The following WDR25 variants were observed in gnomAD, a reference collection of about 807,000 sequenced individuals.
WDR25 encodes WD repeat domain 25, also known as WD repeat-containing protein 25.
In WDR25, 35 loss-of-function variants were observed where a neutral mutation model predicts 47.7. That is an observed-to-expected ratio of 0.73 (90% confidence interval 0.56 to 0.97). The LOEUF is 0.97. WDR25 is among the 50% of genes least tolerant of loss of function. The probability of loss-of-function intolerance (pLI) is 0.00; values close to 1 mark genes in which losing one functional copy is unlikely to be tolerated. For synonymous variants in WDR25, 248 were observed against 278.9 expected, an observed-to-expected ratio of 0.89 and a Z score of 1.10; for missense variants, 634 against 704.7, an observed-to-expected ratio of 0.90 and a Z score of 1.14.
rs138426891 is a variant in WDR25, at chr14:100,529,372, C to T, written c.1413+164C>T. On this transcript the variant is annotated intron_variant, in intron 6 of 6. Transcript: ENST00000402312. The surrounding 1 kb of genome is among the most constrained non-coding windows in gnomAD (Gnocchi z 5.1). ...ATGTGGCTCACTGTCTCTTCAAGTCCCTGAACCACATCTGGTCCTCACCCC... is the reference window on the plus strand; with the variant it reads ...ATGTGGCTCACTGTCTCTTCAAGTCTCTGAACCACATCTGGTCCTCACCCC... 2 of 1,088,482 alleles carry T rather than the reference C, an allele frequency of 1.8e-6. No homozygotes were observed. 67.4% of individuals were successfully genotyped at this position (1,088,482 alleles called of 1,614,324 possible). A position where few individuals can be genotyped will look rare whatever the true frequency, so the allele number is the denominator to read the frequency against.
intron 2 of WDR25, among the ~76,000 whole-genome samples, chr14:100,401,144 A>G (rs1897369604): frequency 6.6e-6 from 1 of 152,132 alleles, no homozygotes; most frequent in African/African-American, 2.4e-5. Context: ...TCACAATAAT[A>G]TTTCCTCTGG....
intron 4 of WDR25, among the ~76,000 whole-genome samples, chr14:100,512,981 A>AT (rs1217021763): frequency 1.3e-5 from 2 of 152,030 alleles, no homozygotes; most frequent in Non-Finnish European, 2.9e-5. Context: ...ATTTATTTAG[A>AT]TTTTTTTGAT....
In WDR25 at chr14:100,381,296, C is replaced by T; in HGVS notation, c.372C>T (p.Ala124=). The T allele has an allele frequency of 6.2e-7, 1 of 1,614,218 alleles. No homozygotes were observed. The highest frequency in any genetic ancestry group is 8.5e-7 in the Non-Finnish European group (1 of 1,180,038). The change falls in exon 2 of 7, where the codon GCC becomes GCT. Residue 124 remains alanine, a synonymous_variant. Transcript: ENST00000402312. ...CSSLWTSHVP[A]SHMPLAAARF... ...CTCTGTGGACGAGCCATGTTCCAGC[C>T]AGCCACATGCCCCTGGCAGCTGCCC...
At chr14:100,394,006 C>G (rs893141306) in intron 2 of WDR25, among the ~76,000 whole-genome samples, 1 of 152,228 alleles carries the variant, frequency 6.6e-6, no homozygotes, top group Non-Finnish European at 1.5e-5. Flanking sequence ...AAATAATTAT[C>G]TCACAGGGCT....
intron 1 of WDR25, 123 bp from the exon 2 acceptor site, chr14:100,380,787 C>G (rs1447834281): frequency 8.4e-6 from 8 of 948,974 alleles, no homozygotes; most frequent in African/African-American, 8.3e-5. Context: ...AGCCACCACG[C>G]CTGGCCTGTG....
rs748246663 is a variant in WDR25 at position 100,525,548 on chromosome 14, C to T, written c.1102-322C>T. 1.9e-4 allele frequency among the ~76,000 whole-genome samples: 29 copies of T among 152,158 alleles called. No individual in the cohort carries two copies. Among genetic ancestry groups the T allele is most frequent in the Non-Finnish European group, 3.7e-4 (25 of 68,030 alleles). The stretch of plus-strand genomic sequence containing the variant: ...GTGTTGATGGATGTCAATATGCTCT[C>T]GAGGTGCCCTTGGCGAGTCAAGGCC... On this transcript the variant is annotated intron_variant, in intron 4 of 6. Coordinates refer to ENST00000402312, the MANE Select transcript of WDR25 (RefSeq NM_001161476.3). The surrounding 1 kb of genome is among the most constrained non-coding windows in gnomAD (Gnocchi z 4.6).
At position 100,494,516 on chromosome 14, in the gene WDR25, A is replaced by G. The variant is rs78500290; in HGVS notation, c.1101+10392A>G. Among the ~76,000 whole-genome samples, 1,478 of 152,330 alleles carry G rather than the reference A, an allele frequency of 9.7e-3. 23 individuals carry two copies. The highest frequency in any genetic ancestry group is 0.034 in the African/African-American group (1,409 of 41,568). Reference sequence around the variant, plus strand: ...TCTTGCTAGCCAGACAAGATGAGCTAGGTAAAAGGAACTGCTATAAAAAGG... The same window carrying G: ...TCTTGCTAGCCAGACAAGATGAGCTGGGTAAAAGGAACTGCTATAAAAAGG... On this transcript the variant is annotated intron_variant, in intron 4 of 6. Coordinates refer to ENST00000402312, the MANE Select transcript of WDR25 (RefSeq NM_001161476.3).
chr14:100,442,320 C>A (rs1178505589), intron 2 of WDR25, among the ~76,000 whole-genome samples: 1 of 152,190 alleles, frequency 6.6e-6, no homozygotes, highest in African/African-American at 2.4e-5. Flanking sequence ...GTCCACCAGG[C>A]CTTGGGTAGA....
chr14:100,529,723 G>C lies in WDR25; in HGVS notation c.1414-97G>C. The C allele has an allele frequency of 7.3e-7, 1 of 1,372,606 alleles. No homozygotes were observed. Among genetic ancestry groups the C allele is most frequent in the Non-Finnish European group, 9.9e-7 (1 of 1,009,498 alleles). 85.0% of individuals were successfully genotyped at this position (1,372,606 alleles called of 1,614,324 possible). A position where few individuals can be genotyped will look rare whatever the true frequency, so the allele number is the denominator to read the frequency against. On this transcript the variant is annotated intron_variant, in intron 6 of 6. Coordinates refer to ENST00000402312, the MANE Select transcript of WDR25 (RefSeq NM_001161476.3). The surrounding 1 kb of genome is among the most constrained non-coding windows in gnomAD (Gnocchi z 5.1). ...GAGGTGCGAAGCCCAGCTCTGCTCC[G>C]TCAGCTCGGGGCTTCAGCCTGCTCC... is the stretch of plus-strand genomic sequence containing the variant.
At chr14:100,469,370 G>A (rs754367246) in intron 3 of WDR25, among the ~76,000 whole-genome samples, 2 of 152,168 alleles carry the variant, frequency 1.3e-5, no homozygotes, top group African/African-American at 2.4e-5. Context: ...CCCCTGCCAC[G>A]TGCTATAGGC....
chr14:100,529,329 C>T lies in WDR25; in HGVS notation c.1413+121C>T. 6.9e-7 allele frequency: 1 copy of T among 1,446,854 alleles called. No individual in the cohort carries two copies. The allele number at this position is 1,446,854 out of a possible 1,614,324, so 89.6% of individuals were successfully genotyped here. ...TCTGGGTGGATCCTGCTTTCTGTTT[C>T]CTGGGTGAGCGCATGCCATGTGGCT... On this transcript the variant is annotated intron_variant, in intron 6 of 6. Coordinates refer to ENST00000402312, the MANE Select transcript of WDR25 (RefSeq NM_001161476.3). The surrounding 1 kb of genome is among the most constrained non-coding windows in gnomAD (Gnocchi z 5.1).
At chr14:100,382,022 A>G (rs893922809) in intron 2 of WDR25, 3 of 702,118 alleles carry the variant, frequency 4.3e-6, no homozygotes, top group Admixed American at 2.0e-5. Context: ...GAGAGTGATT[A>G]GTGGGAGAAG....
In WDR25 at chr14:100,502,190, C is replaced by T. The variant is rs1566939495; in HGVS notation, c.1101+18066C>T. ...ATAGTTGTGGGAGGTGCAGGCAGAG[C>T]CCCCCACTGTGGTGGCCCTTGCCCT... is the stretch of plus-strand genomic sequence containing the variant. On this transcript the variant is annotated intron_variant, in intron 4 of 6. Coordinates refer to ENST00000402312, the MANE Select transcript of WDR25 (RefSeq NM_001161476.3). This position sits in a 1 kb window ranked among gnomAD's most constrained non-coding sequence, Gnocchi z 4.5. Among the ~76,000 whole-genome samples the T allele has an allele frequency of 1.3e-5, 2 of 151,802 alleles. No individual in the cohort carries two copies. Among genetic ancestry groups the T allele is most frequent in the South Asian group, 4.1e-4 (2 of 4,820 alleles).
chr14:100,477,392 T>C (rs1304982251), intron 3 of WDR25, among the ~76,000 whole-genome samples: 1 of 152,232 alleles, frequency 6.6e-6, no homozygotes, highest in Non-Finnish European at 1.5e-5. Flanking sequence ...TATAATGAGA[T>C]CAATAAAGTC....
rs966012232 is a variant in WDR25, at chr14:100,430,023, A to G, written c.823-37998A>G. Reference sequence around the variant, plus strand: ...GGGAAGACACATCCATGACACCCCTAGTATGCTGCCTGACACATGGCAAGT... The same window carrying G: ...GGGAAGACACATCCATGACACCCCTGGTATGCTGCCTGACACATGGCAAGT... On this transcript the variant is annotated intron_variant, in intron 2 of 6. Transcript: ENST00000402312. This position sits in a 1 kb window ranked among gnomAD's most constrained non-coding sequence, Gnocchi z 4.7. Among the ~76,000 whole-genome samples, 8 of 152,148 alleles carry G rather than the reference A, an allele frequency of 5.3e-5. No homozygotes were observed. The highest frequency in any genetic ancestry group is 8.8e-5 in the Non-Finnish European group (6 of 68,034).
chr14:100,480,524 A>G (rs897319961), intron 3 of WDR25, among the ~76,000 whole-genome samples: 1 of 152,246 alleles, frequency 6.6e-6, no homozygotes, highest in African/African-American at 2.4e-5. Flanking sequence ...TGCTTGAACA[A>G]AGGGTGAAAG....
intron 2 of WDR25, among the ~76,000 whole-genome samples, chr14:100,416,462 C>T (rs942494148): frequency 2.6e-5 from 4 of 152,216 alleles, no homozygotes; most frequent in Non-Finnish European, 5.9e-5. Flanking sequence ...CACCCTGCCC[C>T]GATTTCTGTT....
intron 3 of WDR25, among the ~76,000 whole-genome samples, chr14:100,479,066 G>C (rs1900113453): frequency 6.6e-6 from 1 of 152,024 alleles, no homozygotes; most frequent in Non-Finnish European, 1.5e-5. Flanking sequence ...GGCAGTCCTG[G>C]GCCTTCTCGG....
At chr14:100,448,474 G>T (rs28713693) in intron 2 of WDR25, among the ~76,000 whole-genome samples, 8,928 of 152,206 alleles carry the variant, frequency 0.059, 623 homozygotes, top group African/African-American at 0.17. Context: ...GCACATGCAT[G>T]CTGGCCGTGA....
Sources: gnomAD v4.1 joint callset for allele counts (sites outside exome capture counted in the v4.1 genomes callset) on GRCh38, gnomAD v4.1.1 for gene constraint, Gnocchi (gnomAD v3.1) non-coding constraint, MANE v1.5 for transcripts, NCBI Gene and HGNC (gene_info 2026-07-23, HGNC 2026-07-21) for gene names.